Variants in LARGE1 observed in about 807,000 individuals in gnomAD.
The protein encoded by LARGE1 is LARGE xylosyl- and glucuronyltransferase 1, also known as xylosyl- and glucuronyltransferase LARGE1.
LARGE1 carries 43 observed loss-of-function variants against 87.6 expected under a neutral mutation model. That is an observed-to-expected ratio of 0.49 (90% confidence interval 0.38 to 0.63). The LOEUF is 0.63. Among genes scored for constraint, LARGE1 ranks in the 30% least tolerant of loss-of-function variants. The pLI is 0.00. For synonymous variants in LARGE1, 434 were observed against 394.6 expected, an observed-to-expected ratio of 1.10 and a Z score of -1.18; for missense variants, 802 against 1,000.2, an observed-to-expected ratio of 0.80 and a Z score of 2.67.
At chr22:33,303,808 A>AGC (rs1555892176) in intron 12 of LARGE1, among the ~76,000 whole-genome samples, 34 of 146,658 alleles carry the variant, frequency 2.3e-4, no homozygotes, top group African/African-American at 7.7e-4. Context: ...TATTTTTAGT[A>AGC]GGGGGGGGGT....
At chr22:33,810,062 A>G (rs1486878849) in intron 1 of LARGE1, among the ~76,000 whole-genome samples, 2 of 152,214 alleles carry the variant, frequency 1.3e-5, no homozygotes, top group African/African-American at 2.4e-5. Flanking sequence ...CATGCAACAG[A>G]CACCAGATCT....
At chr22:33,712,901 G>A (rs16992847) in intron 2 of LARGE1, among the ~76,000 whole-genome samples, 4,022 of 152,158 alleles carry the variant, frequency 0.026, 195 homozygotes, top group African/African-American at 0.092. Context: ...CTCACAGAAG[G>A]TATATGGTAA....
At chr22:33,530,111 C>CT (rs1325018581) in intron 6 of LARGE1, among the ~76,000 whole-genome samples, 1 of 152,188 alleles carries the variant, frequency 6.6e-6, no homozygotes. Flanking sequence ...GGTTCCTATC[C>CT]TAAATAAAAA....
intron 6 of LARGE1, among the ~76,000 whole-genome samples, chr22:33,487,845 T>C (rs2069655052): frequency 6.6e-6 from 1 of 152,168 alleles, no homozygotes; most frequent in African/African-American, 2.4e-5. Context: ...TTTCCCTATC[T>C]GCAAAGTGGA....
chr22:33,835,921 T>C (rs376280699), intron 1 of LARGE1, among the ~76,000 whole-genome samples: 45 of 152,334 alleles, frequency 3.0e-4, no homozygotes, highest in African/African-American at 1.1e-3. Context: ...TCCTCCCAAC[T>C]GTATTAGCTC....
chr22:33,305,053 C>T (rs1934685711), intron 11 of LARGE1, among the ~76,000 whole-genome samples: 1 of 152,198 alleles, frequency 6.6e-6, no homozygotes, highest in Non-Finnish European at 1.5e-5. Context: ...GTCATTCTCC[C>T]CATTTTCCTG....
At chr22:33,215,655 A>G (rs2146243319) in intron 11 of LARGE1, among the ~76,000 whole-genome samples, 1 of 152,272 alleles carries the variant, frequency 6.6e-6, no homozygotes, top group Admixed American at 6.5e-5. Flanking sequence ...AAGTCATAGA[A>G]ATATTCCTCG....
Position 33,687,153 on chromosome 22 carries a change from CT to C in LARGE1, c.107-36486del, listed in dbSNP as rs958730572. On this transcript the variant is annotated intron_variant, in intron 2 of 14. Coordinates refer to ENST00000397394, the MANE Select transcript of LARGE1 (RefSeq NM_133642.5). Reference sequence around the variant, plus strand: ...CCTGCTCCAAGATGACCACCTCTTCCTTTTTTTTTTTTTTTTTGTTTGGTAG... The same window carrying C: ...CCTGCTCCAAGATGACCACCTCTTCCTTTTTTTTTTTTTTTTGTTTGGTAG... Among the ~76,000 whole-genome samples the C allele has an allele frequency of 5.0e-3, 692 of 139,322 alleles. 3 individuals carry two copies. The highest frequency in any genetic ancestry group is 8.3e-3 in the African/African-American group (317 of 38,232). 91.4% of individuals were successfully genotyped at this position (139,322 alleles called of 152,430 possible).
chr22:33,400,153 T>C (rs908527351), intron 7 of LARGE1, among the ~76,000 whole-genome samples: 14 of 152,176 alleles, frequency 9.2e-5, no homozygotes, highest in Non-Finnish European at 1.3e-4. Context: ...GGAGATAACA[T>C]TTACTGAATG....
chr22:33,538,492 A>G (rs2077100880), intron 6 of LARGE1, among the ~76,000 whole-genome samples: 3 of 152,210 alleles, frequency 2.0e-5, no homozygotes, highest in Admixed American at 2.0e-4. Context: ...TAGCATTACG[A>G]AGGTACATTG....
intron 9 of LARGE1, among the ~76,000 whole-genome samples, chr22:33,366,370 A>T (rs1338225221): frequency 6.6e-6 from 1 of 152,220 alleles, no homozygotes; most frequent in Non-Finnish European, 1.5e-5. Context: ...ACTAGTTACT[A>T]TTTATGAGAG....
intron 1 of LARGE1, among the ~76,000 whole-genome samples, chr22:33,828,427 G>A (rs1182783225): frequency 6.6e-6 from 1 of 152,186 alleles, no homozygotes; most frequent in Non-Finnish European, 1.5e-5. Flanking sequence ...GAAAAGATGA[G>A]GATAGAAGAA....
chr22:33,322,713 C>T (rs186689352), intron 10 of LARGE1: 4 of 152,310 alleles, frequency 2.6e-5, no homozygotes, highest in Admixed American at 2.6e-4. Flanking sequence ...CTTCATGGTA[C>T]CAATAATGGG....
intron 1 of LARGE1, among the ~76,000 whole-genome samples, chr22:33,872,698 A>G (rs1382301543): frequency 6.6e-6 from 1 of 152,164 alleles, no homozygotes; most frequent in East Asian, 1.9e-4. Context: ...GTGAATTTGG[A>G]GCACGGAAAA....
chr22:33,492,144 C>T (rs979075872), intron 6 of LARGE1, among the ~76,000 whole-genome samples: 5 of 152,136 alleles, frequency 3.3e-5, no homozygotes, highest in South Asian at 2.1e-4. Context: ...GGGGCCTTGT[C>T]GGCCACTGGC....
Position 33,878,129 on chromosome 22 carries a change from C to CTTTT in LARGE1, c.-83+41862_-83+41865dup, listed in dbSNP as rs1186663464. Among the ~76,000 whole-genome samples the CTTTT allele has an allele frequency of 1.9e-3, 83 of 44,628 alleles. 17 individuals carry two copies. The highest frequency in any genetic ancestry group is 5.2e-3 in the East Asian group (5 of 966). 29.3% of individuals were successfully genotyped at this position (44,628 alleles called of 152,430 possible). On this transcript the variant is annotated intron_variant, in intron 1 of 14. Coordinates refer to ENST00000397394, the MANE Select transcript of LARGE1 (RefSeq NM_133642.5). ...TATGTATGTTGTTTATATTGTATTTCTTTTTTTTTTTTTTTTTTTTTTTTT... is the reference window on the plus strand; with the variant it reads ...TATGTATGTTGTTTATATTGTATTTCTTTTTTTTTTTTTTTTTTTTTTTTTTTTT...
intron 2 of LARGE1, among the ~76,000 whole-genome samples, chr22:33,717,741 A>G (rs16992861): frequency 0.015 from 2,345 of 152,332 alleles, 62 homozygotes; most frequent in African/African-American, 0.053. Flanking sequence ...GAAAAAAGAA[A>G]CAAGGAATGA....
intron 4 of LARGE1, among the ~76,000 whole-genome samples, chr22:33,619,774 A>G (rs2079689937): frequency 6.6e-6 from 1 of 152,158 alleles, no homozygotes; most frequent in African/African-American, 2.4e-5. Flanking sequence ...TCCTGAAGGC[A>G]TATGAGGAAT....
the LARGE1 span, among the ~76,000 whole-genome samples, chr22:33,084,854 C>G: frequency 6.6e-6 from 1 of 152,174 alleles, no homozygotes; most frequent in Non-Finnish European, 1.5e-5. Flanking sequence ...AGTTCACATT[C>G]TTTTTATTAT....
Sources: allele counts gnomAD v4.1 joint callset (sites outside exome capture counted in the v4.1 genomes callset), GRCh38; gene constraint gnomAD v4.1.1; transcripts MANE v1.5; gene names NCBI Gene and HGNC (gene_info 2026-07-23, HGNC 2026-07-21).